Variants in OPCML observed in about 807,000 individuals in gnomAD.
OPCML encodes opioid-binding protein/cell adhesion molecule.
Under a neutral mutation model 37.8 loss-of-function variants are expected in OPCML, and 13 were observed. The observed-to-expected ratio is 0.34, with a 90% confidence interval of 0.22 to 0.55. OPCML has a LOEUF of 0.55. OPCML is among the 20% of genes least tolerant of loss of function. The pLI is 0.91. For missense variants in OPCML, 341 were observed against 435.6 expected, an observed-to-expected ratio of 0.78 and a Z score of 1.93; for synonymous variants, 176 against 168.8, an observed-to-expected ratio of 1.04 and a Z score of -0.33.
chr11:132,828,777 A>G (rs1399328443), intron 2 of OPCML, among the ~76,000 whole-genome samples: 1 of 152,176 alleles, frequency 6.6e-6, no homozygotes, highest in African/African-American at 2.4e-5. Context: ...TAGAAGATCT[A>G]TGTGTTATTG....
intron 4 of OPCML, among the ~76,000 whole-genome samples, chr11:132,444,192 G>A (rs2136796726): frequency 6.6e-6 from 1 of 152,274 alleles, no homozygotes; most frequent in East Asian, 1.9e-4. Flanking sequence ...TTCTTAACTA[G>A]GCCCAATAAA....
chr11:133,421,874 GA>G (rs1945893886), intron 1 of OPCML: 2 of 598,532 alleles, frequency 3.3e-6, no homozygotes, highest in Non-Finnish European at 4.2e-6. Flanking sequence ...CTGACCCACA[GA>G]AACAGTGAGA....
At chr11:133,314,320 TTCAA>T (rs1943151658) in intron 1 of OPCML, among the ~76,000 whole-genome samples, 1 of 148,798 alleles carries the variant, frequency 6.7e-6, no homozygotes, top group Admixed American at 6.7e-5. Flanking sequence ...ACTAATTAAA[TTCAA>T]TACACTACAG....
chr11:133,001,520 A>G (rs1178280547), intron 1 of OPCML, among the ~76,000 whole-genome samples: 4 of 152,248 alleles, frequency 2.6e-5, no homozygotes, highest in Non-Finnish European at 5.9e-5. Flanking sequence ...AACTATAGCC[A>G]TAGTCCAGGC....
At chr11:133,492,366 A>G (rs952143911) in intron 1 of OPCML, among the ~76,000 whole-genome samples, 3 of 152,132 alleles carry the variant, frequency 2.0e-5, no homozygotes, top group Admixed American at 2.0e-4. Flanking sequence ...TTAATCCCCT[A>G]GGAGACGAAA....
At chr11:133,141,798 T>C (rs976285944) in intron 1 of OPCML, among the ~76,000 whole-genome samples, 5 of 152,196 alleles carry the variant, frequency 3.3e-5, no homozygotes, top group African/African-American at 1.2e-4. Flanking sequence ...TATTTAACCA[T>C]CCAGGATAAT....
intron 1 of OPCML, among the ~76,000 whole-genome samples, chr11:132,951,074 G>A (rs1366189378): frequency 1.3e-5 from 2 of 152,126 alleles, no homozygotes; most frequent in Non-Finnish European, 1.5e-5. Context: ...GGGCAGTCGG[G>A]CGTCAGTCCA....
chr11:133,259,792 T>C (rs1313261973), intron 1 of OPCML, among the ~76,000 whole-genome samples: 1 of 152,160 alleles, frequency 6.6e-6, no homozygotes. Context: ...AGGACATCAA[T>C]CAATGCTCTA....
chr11:132,716,858 A>C (rs1944513368), intron 2 of OPCML, among the ~76,000 whole-genome samples: 1 of 152,202 alleles, frequency 6.6e-6, no homozygotes, highest in African/African-American at 2.4e-5. Context: ...AATGCCCCCA[A>C]GATAAGAGAG....
rs79978256 is a variant in OPCML, at chr11:132,606,983, G to A, written c.379+50104C>T. ...TGTTAGGTTTCAGTTCCATGAGTAT[G>A]TGTGGCATAACTTAGAGAAAAAGGG... On this transcript the variant is annotated intron_variant, in intron 3 of 7. Coordinates refer to ENST00000524381, the MANE Select transcript of OPCML (RefSeq NM_001012393.5). Among the ~76,000 whole-genome samples the A allele has an allele frequency of 7.7e-3, 1,170 of 152,250 alleles. 7 individuals are homozygous for A. Among genetic ancestry groups the A allele is most frequent in the Admixed American group, 0.012 (179 of 15,284 alleles).
intron 2 of OPCML, among the ~76,000 whole-genome samples, chr11:132,710,166 G>A (rs1944204043): frequency 6.6e-6 from 1 of 152,162 alleles, no homozygotes; most frequent in Admixed American, 6.5e-5. Context: ...AGCTGAACAT[G>A]TATTTCACGT....
chr11:132,871,855 GT>G (rs377330963), intron 2 of OPCML, among the ~76,000 whole-genome samples: 3 of 152,154 alleles, frequency 2.0e-5, no homozygotes, highest in Middle Eastern at 3.2e-3. Context: ...CCTTTGTTTT[GT>G]TTTTCTATTT....
At chr11:132,952,727 C>T (rs1945887439) in intron 1 of OPCML, among the ~76,000 whole-genome samples, 1 of 152,092 alleles carries the variant, frequency 6.6e-6, no homozygotes, top group African/African-American at 2.4e-5. Flanking sequence ...AGTTTGTGTA[C>T]CCTCCTCTGT....
intron 1 of OPCML, among the ~76,000 whole-genome samples, chr11:133,244,319 G>A (rs1940839118): frequency 6.6e-6 from 1 of 152,070 alleles, no homozygotes; most frequent in Non-Finnish European, 1.5e-5. Context: ...AGGTAGGATT[G>A]AAGGAGATAA....
intron 1 of OPCML, among the ~76,000 whole-genome samples, chr11:133,333,394 A>T (rs1321908722): frequency 6.6e-6 from 1 of 152,184 alleles, no homozygotes; most frequent in Non-Finnish European, 1.5e-5. Context: ...ATGGGAAAAA[A>T]AAAACTCCCT....
chr11:132,494,973 T>G (rs1479092843), intron 4 of OPCML, among the ~76,000 whole-genome samples: 1 of 152,006 alleles, frequency 6.6e-6, no homozygotes, highest in African/African-American at 2.4e-5. Flanking sequence ...AGGGAATACA[T>G]TTCGACTACA....
At chr11:132,832,506 G>A (rs7938478) in intron 2 of OPCML, among the ~76,000 whole-genome samples, 2,089 of 152,158 alleles carry the variant, frequency 0.014, 54 homozygotes, top group African/African-American at 0.048. Context: ...CAACTTACAT[G>A]CACACACATA....
chr11:132,932,253 G>A (rs771050416), intron 2 of OPCML, among the ~76,000 whole-genome samples: 1 of 152,124 alleles, frequency 6.6e-6, no homozygotes, highest in Non-Finnish European at 1.5e-5. Flanking sequence ...GCACAGCAAC[G>A]TGAATGTACT....
chr11:132,916,946 T>G (rs1043407666), intron 2 of OPCML, among the ~76,000 whole-genome samples: 2 of 152,108 alleles, frequency 1.3e-5, no homozygotes, highest in Non-Finnish European at 2.9e-5. Flanking sequence ...CTTCCTATTT[T>G]ATTGTAAGAT....
Sources: allele counts gnomAD v4.1 joint callset (sites outside exome capture counted in the v4.1 genomes callset), GRCh38; gene constraint gnomAD v4.1.1; transcripts MANE v1.5; gene names NCBI Gene and HGNC (gene_info 2026-07-23, HGNC 2026-07-21).